The following FAM76B variants were observed in gnomAD, a reference collection of about 807,000 sequenced individuals.
The protein encoded by FAM76B is protein FAM76B.
A neutral mutation model predicts 51.8 loss-of-function variants in FAM76B; 16 were observed. The observed-to-expected ratio is 0.31, with a 90% CI of 0.21 to 0.47. FAM76B has a LOEUF of 0.47. FAM76B is among the 20% of genes least tolerant of loss of function. The pLI, the probability that FAM76B is intolerant of heterozygous loss-of-function variation, is 1.00. For synonymous variants in FAM76B, 166 were observed against 129.5 expected (o/e 1.28, Z -1.91); for missense variants, 342 against 392.6 (o/e 0.87, Z 1.09).
intron 5 of FAM76B, among the ~76,000 whole-genome samples, chr11:95,782,087 G>A (rs1591019567): frequency 6.6e-6 from 1 of 151,980 alleles, no homozygotes; most frequent in African/African-American, 2.4e-5. Context: ...CCATATGTCC[G>A]TTTTTTCCAT....
chr11:95,785,381 A>G (rs943235048), intron 4 of FAM76B, among the ~76,000 whole-genome samples: 9 of 152,240 alleles, frequency 5.9e-5, no homozygotes, highest in Admixed American at 2.0e-4. Context: ...ATGAGAATCA[A>G]TCGTACCTGT....
chr11:95,779,566 C>G, intron 7 of FAM76B, 41 bp downstream of exon 7: 3 of 1,534,182 alleles, frequency 2.0e-6, no homozygotes, highest in Non-Finnish European at 2.7e-6. Context: ...AACTATTCAA[C>G]TAAGTTGAAT....
rs1254482067 is a variant in FAM76B at position 95,784,405 on chromosome 11, T to C, written c.364-1141A>G. Among the ~76,000 whole-genome samples the C allele has an allele frequency of 3.9e-5, 6 of 151,970 alleles. No homozygotes were observed. The South Asian group carries it at 1.0e-3, about 26-fold the overall frequency. On this transcript the variant is annotated intron_variant, in intron 4 of 9. Transcript: ENST00000358780. ...CCTCCATGACACAAGTTTACCTATATAATAAACGTGCACATGTACCCCTGA... is the reference window on the plus strand; with the variant it reads ...CCTCCATGACACAAGTTTACCTATACAATAAACGTGCACATGTACCCCTGA...
chr11:95,777,956 C>T (rs1860084915), intron 8 of FAM76B, among the ~76,000 whole-genome samples: 1 of 151,416 alleles, frequency 6.6e-6, no homozygotes, highest in Middle Eastern at 3.2e-3. Context: ...GTAATAGCCC[C>T]TATGGGCACT....
At chr11:95,786,445 T>C (rs915580707) in intron 3 of FAM76B, 171 bp from the exon 4 acceptor site, 9 of 576,440 alleles carry the variant, frequency 1.6e-5, no homozygotes, top group Non-Finnish European at 2.6e-5. Context: ...CATATTTCTA[T>C]GCATTCAACT....
intron 8 of FAM76B, among the ~76,000 whole-genome samples, chr11:95,776,411 T>G (rs1018539893): frequency 3.3e-5 from 5 of 151,570 alleles, no homozygotes; most frequent in African/African-American, 1.2e-4. Context: ...AACTAGCTTA[T>G]GCGTAAAATA....
chr11:95,772,145 A>G (rs1859793944), intron 9 of FAM76B, among the ~76,000 whole-genome samples: 1 of 151,068 alleles, frequency 6.6e-6, no homozygotes, highest in Admixed American at 6.6e-5. Flanking sequence ...TTTTGCAAAA[A>G]CAACTCAGAA....
In FAM76B at chr11:95,775,917, G is replaced by T; in HGVS notation, c.930+5C>A. On this transcript the variant is annotated splice_donor_5th_base_variant and intron_variant, in intron 9 of 9. Transcript: ENST00000358780. Reference sequence around the variant, plus strand: ...CTATCATTTTACGTAAATGATGGTAGTTACCTGAAGTTGTTCCACAGTTTC... The same window carrying T: ...CTATCATTTTACGTAAATGATGGTATTTACCTGAAGTTGTTCCACAGTTTC... 1 of 1,540,816 alleles carries T rather than the reference G, an allele frequency of 6.5e-7. No individual in the cohort carries two copies. Among genetic ancestry groups the T allele is most frequent in the South Asian group, 1.2e-5 (1 of 80,606 alleles).
Position 95,771,506 on chromosome 11 carries a change from A to T in FAM76B, c.*55T>A. The T allele has an allele frequency of 6.9e-7, 1 of 1,458,684 alleles. No individual in the cohort carries two copies. Among genetic ancestry groups the T allele is most frequent in the Middle Eastern group, 1.8e-4 (1 of 5,408 alleles). 90.4% of individuals were successfully genotyped at this position (1,458,684 alleles called of 1,614,324 possible). A position where few individuals can be genotyped will look rare whatever the true frequency, so the allele number is the denominator to read the frequency against. ...TACACAGAATTTAAGGGCTTCACAGAATTTTTTTTCCCCAAATTTACATTG... is the reference window on the plus strand; with the variant it reads ...TACACAGAATTTAAGGGCTTCACAGTATTTTTTTTCCCCAAATTTACATTG... On this transcript the variant is annotated 3_prime_UTR_variant, in exon 10 of 10. Transcript: ENST00000358780.
At chr11:95,782,466 T>TA (rs1054014329) in intron 5 of FAM76B, among the ~76,000 whole-genome samples, 4 of 152,152 alleles carry the variant, frequency 2.6e-5, no homozygotes, top group African/African-American at 9.7e-5. Context: ...GAGGGGGTTC[T>TA]AGAACCAATC....
At chr11:95,784,049 G>A (rs759525313) in intron 4 of FAM76B, among the ~76,000 whole-genome samples, 28 of 152,280 alleles carry the variant, frequency 1.8e-4, no homozygotes, top group Admixed American at 1.4e-3. Flanking sequence ...AATGCCCATC[G>A]TTAGTAGACT....
chr11:95,787,613 G>C lies in FAM76B; in HGVS notation c.207+11C>G. 1.2e-6 allele frequency: 2 copies of C among 1,608,264 alleles called. No homozygotes were observed. Among genetic ancestry groups the C allele is most frequent in the Non-Finnish European group, 1.7e-6 (2 of 1,176,158 alleles). On this transcript the variant is annotated intron_variant, in intron 3 of 9. Coordinates refer to ENST00000358780, the MANE Select transcript of FAM76B (RefSeq NM_144664.5). ...TGGTAACAATGACATGAAAACATAA[G>C]ACATACTTACCGTCCCAAATTGCTT...
intron 8 of FAM76B, among the ~76,000 whole-genome samples, chr11:95,777,556 G>C (rs1299314189): frequency 6.6e-6 from 1 of 151,132 alleles, no homozygotes; most frequent in Non-Finnish European, 1.5e-5. Flanking sequence ...TTGTACACAG[G>C]ACAAATTTCC....
chr11:95,788,295 TAA>T (rs1485268946), intron 2 of FAM76B, among the ~76,000 whole-genome samples: 2 of 152,226 alleles, frequency 1.3e-5, no homozygotes, highest in African/African-American at 4.8e-5. Context: ...TTCTCTCATA[TAA>T]AGTCTAACTG....
chr11:95,789,138 C>A, intron 1 of FAM76B: 1 of 1,284,024 alleles, frequency 7.8e-7, no homozygotes, highest in Non-Finnish European at 1.0e-6. Context: ...CTCCTGAGAC[C>A]CCCAGACGCT....
At chr11:95,789,190 C>G in intron 1 of FAM76B, 1 of 986,538 alleles carries the variant, frequency 1.0e-6, no homozygotes, top group East Asian at 2.6e-5. Context: ...GAAAAGGGCA[C>G]GATTCTGCCT....
chr11:95,777,729 A>C (rs1387532251), intron 8 of FAM76B, among the ~76,000 whole-genome samples: 1 of 151,450 alleles, frequency 6.6e-6, no homozygotes, highest in East Asian at 1.9e-4. Context: ...ACTAACCATC[A>C]AGGTGTGGCA....
At chr11:95,788,003 G>C (rs1217742292) in intron 2 of FAM76B, among the ~76,000 whole-genome samples, 1 of 152,108 alleles carries the variant, frequency 6.6e-6, no homozygotes, top group Admixed American at 6.5e-5. Flanking sequence ...CTTGGCTACT[G>C]TCCAACATTA....
At chr11:95,777,593 C>T (rs553974081) in intron 8 of FAM76B, among the ~76,000 whole-genome samples, 2 of 151,424 alleles carry the variant, frequency 1.3e-5, no homozygotes, top group Admixed American at 6.6e-5. Context: ...TTAAAAAATG[C>T]TGTCAATCAA....
Sources: gnomAD v4.1 joint callset for allele counts (sites outside exome capture counted in the v4.1 genomes callset) on GRCh38, gnomAD v4.1.1 for gene constraint, MANE v1.5 for transcripts, NCBI Gene and HGNC (gene_info 2026-07-23, HGNC 2026-07-21) for gene names.